KHDC1: variants seen among roughly 807,000 people sequenced by gnomAD.
The protein encoded by KHDC1 is KH domain containing 1.
Under a neutral mutation model 24.7 loss-of-function variants are expected in KHDC1, and 21 were observed. The ratio of observed to expected loss-of-function variants is 0.85; its 90% CI spans 0.60 to 1.23. The LOEUF (loss-of-function observed/expected upper bound fraction) is 1.23, where lower values mean the gene tolerates loss of function less well. Among genes scored for constraint, KHDC1 ranks in the 50% most tolerant of loss-of-function variants. The pLI is 0.00. For synonymous variants in KHDC1, 98 were observed against 111.7 expected, an observed-to-expected ratio of 0.88 and a Z score of 0.77; for missense variants, 274 against 298.5, an observed-to-expected ratio of 0.92 and a Z score of 0.61.
chr6:73,269,840 T>G (rs1011068699), intron 2 of KHDC1: 3 of 152,244 alleles, frequency 2.0e-5, no homozygotes, highest in Admixed American at 6.6e-5. Context: ...TGATCATAGC[T>G]CACTGCAGCC....
intron 2 of KHDC1, among the ~76,000 whole-genome samples, chr6:73,259,956 G>T (rs1766950102): frequency 6.6e-6 from 1 of 152,140 alleles, no homozygotes; most frequent in Non-Finnish European, 1.5e-5. Flanking sequence ...ATTAAAAGCT[G>T]TCCAGGGGGT....
In KHDC1 at chr6:73,253,631, A is replaced by G. The variant is rs1378006044; in HGVS notation, c.207-11101T>C. On this transcript the variant is annotated intron_variant, in intron 2 of 4. Transcript: ENST00000370384. ...AATCCATTTGAGGCCAGGTGCACTA[A>G]GTCACACCTGTAATCCCAGCACTTT... 6.0e-5 allele frequency among the ~76,000 whole-genome samples: 9 copies of G among 150,446 alleles called. No individual in the cohort carries two copies. In the East Asian group the frequency reaches 9.8e-4, roughly 16 times the overall value.
chr6:73,242,828 T>C (rs905233607), intron 2 of KHDC1, among the ~76,000 whole-genome samples: 6 of 152,172 alleles, frequency 3.9e-5, no homozygotes, highest in African/African-American at 1.4e-4. Flanking sequence ...GCAGATCTAC[T>C]GGGTATGAAC....
At chr6:73,295,869 C>T (rs950315700) in intron 1 of KHDC1, among the ~76,000 whole-genome samples, 6 of 148,754 alleles carry the variant, frequency 4.0e-5, no homozygotes, top group East Asian at 2.0e-4. Context: ...AGGCGGGGCA[C>T]GGTGGCTCAC....
At chr6:73,289,866 C>T (rs1198861515) in intron 2 of KHDC1, among the ~76,000 whole-genome samples, 1 of 151,294 alleles carries the variant, frequency 6.6e-6, no homozygotes, top group Non-Finnish European at 1.5e-5. Context: ...TTTGGGAGGC[C>T]GAGGCGGGTG....
chr6:73,257,677 G>A (rs374947995), intron 2 of KHDC1, among the ~76,000 whole-genome samples: 14 of 152,102 alleles, frequency 9.2e-5, no homozygotes, highest in African/African-American at 3.4e-4. Context: ...GATTACAGGC[G>A]TGAGCCACCA....
rs79317177 is a variant in KHDC1, at chr6:73,266,574, A to G, written c.207-24044T>C. On this transcript the variant is annotated intron_variant, in intron 2 of 4. Coordinates refer to ENST00000370384, the Ensembl canonical transcript of KHDC1. ...GGTACTTGGAAAGCTGGATACCCACATACAAAAGAATGTTGTTGGCCTCCT... is the reference window on the plus strand; with the variant it reads ...GGTACTTGGAAAGCTGGATACCCACGTACAAAAGAATGTTGTTGGCCTCCT... Among the ~76,000 whole-genome samples the G allele has an allele frequency of 4.5e-3, 685 of 152,342 alleles. 1 individual carries two copies. The highest frequency in any genetic ancestry group is 7.4e-3 in the Non-Finnish European group (503 of 68,036).
intron 1 of KHDC1, chr6:73,309,475 T>A: frequency 7.2e-7 from 1 of 1,393,440 alleles, no homozygotes; most frequent in Admixed American, 2.8e-5. Context: ...TCCTGAAAGA[T>A]CCCGGAAGCG....
intron 2 of KHDC1, among the ~76,000 whole-genome samples, chr6:73,260,732 T>C (rs1766965508): frequency 6.6e-6 from 1 of 152,228 alleles, no homozygotes. Flanking sequence ...AAAATTGATA[T>C]TTTCAAATTT....
At chr6:73,277,925 G>A (rs1274228048) in intron 2 of KHDC1, among the ~76,000 whole-genome samples, 1 of 145,582 alleles carries the variant, frequency 6.9e-6, no homozygotes, top group Non-Finnish European at 1.5e-5. Context: ...GGTTTTTACT[G>A]TTTGTGAAGT....
intron 2 of KHDC1, chr6:73,263,076 G>A (rs943949467): frequency 1.5e-6 from 1 of 673,074 alleles, no homozygotes; most frequent in Non-Finnish European, 1.9e-6. Context: ...CGGCAGCGGC[G>A]GCAGCGGCTG....
intron 1 of KHDC1, among the ~76,000 whole-genome samples, chr6:73,307,409 G>A (rs1484801407): frequency 6.6e-6 from 1 of 152,132 alleles, no homozygotes; most frequent in African/African-American, 2.4e-5. Context: ...TGGCGACAGA[G>A]CGAGACCCTG....
In KHDC1 at chr6:73,291,557, C is replaced by G. The variant is rs535924920; in HGVS notation, c.206+441G>C. On this transcript the variant is annotated intron_variant, in intron 2 of 4. Transcript: ENST00000370384. ...GCCCAGGCTGTTCTTGACTTCCTAA[C>G]TTCAAGCAATCCTTCTGCCTCAGCC... Among the ~76,000 whole-genome samples, 10 of 152,108 alleles carry G rather than the reference C, an allele frequency of 6.6e-5. No homozygotes were observed. In the South Asian group the frequency reaches 2.1e-3, roughly 32 times the overall value.
intron 2 of KHDC1, among the ~76,000 whole-genome samples, chr6:73,248,751 T>C (rs550559737): frequency 1.8e-4 from 27 of 152,296 alleles, no homozygotes; most frequent in African/African-American, 6.3e-4. Context: ...CAATCCACTT[T>C]CAATTGCTTA....
chr6:73,284,377 G>A (rs954928308), intron 2 of KHDC1, among the ~76,000 whole-genome samples: 1 of 152,096 alleles, frequency 6.6e-6, no homozygotes, highest in Admixed American at 6.6e-5. Flanking sequence ...CCCTACCGGG[G>A]CCCATGACTC....
intron 2 of KHDC1, among the ~76,000 whole-genome samples, chr6:73,258,525 G>C (rs1249661770): frequency 1.3e-5 from 2 of 152,140 alleles, no homozygotes; most frequent in African/African-American, 4.8e-5. Flanking sequence ...CTACAAGAAA[G>C]AGTCAAATAA....
At chr6:73,242,753 T>C (rs1374790048) in intron 2 of KHDC1, among the ~76,000 whole-genome samples, 1 of 152,208 alleles carries the variant, frequency 6.6e-6, no homozygotes, top group South Asian at 2.1e-4. Flanking sequence ...ATCTGATTAG[T>C]GCTTGCCTTT....
At chr6:73,244,039 G>A (rs2150550114) in intron 2 of KHDC1, among the ~76,000 whole-genome samples, 1 of 152,270 alleles carries the variant, frequency 6.6e-6, no homozygotes, top group East Asian at 1.9e-4. Context: ...ATCTCTCCTG[G>A]AAGGTCTCCT....
At position 73,263,199 on chromosome 6, in the gene KHDC1, C is replaced by T. The variant is rs912417814; in HGVS notation, c.207-20669G>A. The T allele has an allele frequency of 1.0e-4, 99 of 986,952 alleles. No homozygotes were observed. Among genetic ancestry groups the T allele is most frequent in the Non-Finnish European group, 1.1e-4 (89 of 830,828 alleles). 61.1% of individuals were successfully genotyped at this position (986,952 alleles called of 1,614,324 possible). A position where few individuals can be genotyped will look rare whatever the true frequency, so the allele number is the denominator to read the frequency against. ...GCGAGGCGCGCTCGAGCGGAAGTGG[C>T]GGCGACCCCGCCGGAAGCGCGCGGC... On this transcript the variant is annotated intron_variant, in intron 2 of 4. Transcript: ENST00000370384.
Sources: gnomAD v4.1 joint callset for allele counts (sites outside exome capture counted in the v4.1 genomes callset) on GRCh38, gnomAD v4.1.1 for gene constraint, MANE v1.5 for transcripts, NCBI Gene and HGNC (gene_info 2026-07-23, HGNC 2026-07-21) for gene names.